Variants in MDGA1 observed in about 807,000 individuals in gnomAD.
The protein encoded by MDGA1 is MAM domain-containing glycosylphosphatidylinositol anchor protein 1.
In MDGA1, 54 loss-of-function variants were observed where a neutral mutation model predicts 101.5. The observed-to-expected ratio is 0.53, with a 90% CI of 0.43 to 0.67. MDGA1 has a LOEUF of 0.67. Ranked by LOEUF, MDGA1 falls within the 30% of genes least tolerant of loss-of-function variation. The pLI is 0.00. For synonymous variants in MDGA1, 533 were observed against 558.3 expected (o/e 0.95, Z 0.64); for missense variants, 1,083 against 1,323.8 (o/e 0.82, Z 2.82).
intron 14 of MDGA1, among the ~76,000 whole-genome samples, chr6:37,641,004 T>C (rs373309621): frequency 3.6e-4 from 55 of 152,266 alleles, no homozygotes; most frequent in African/African-American, 1.2e-3. Context: ...TGCCTCCACA[T>C]GCCGGGAAAC....
At chr6:37,641,200 G>T (rs804829) in intron 14 of MDGA1, among the ~76,000 whole-genome samples, 68,900 of 152,002 alleles carry the variant, frequency 0.45, 16,535 homozygotes, top group Non-Finnish European at 0.52. Context: ...GGTAACATTT[G>T]GTGGCTCTCT....
Position 37,637,916 on chromosome 6 carries a change from G to C in MDGA1, c.2776+289C>G, listed in dbSNP as rs939396232. On this transcript the variant is annotated intron_variant, in intron 16 of 16. Transcript: ENST00000434837. ...AGGCACACGTTCACCTCTGGAGCCA[G>C]AGGTACGCACAGATGTATTCAGACA... The C allele has an allele frequency of 1.9e-5, 10 of 536,364 alleles. No homozygotes were observed. In the Admixed American group the frequency reaches 3.2e-4, roughly 17 times the overall value. The allele number at this position is 536,364 out of a possible 1,614,324, so 33.2% of individuals were successfully genotyped here.
chr6:37,694,755 C>T (rs1333627149), intron 1 of MDGA1, among the ~76,000 whole-genome samples: 2 of 152,168 alleles, frequency 1.3e-5, no homozygotes, highest in Non-Finnish European at 2.9e-5. Context: ...CCAACACTGC[C>T]TGAAGCCAAG....
chr6:37,666,416 A>G (rs1438584736), intron 1 of MDGA1, among the ~76,000 whole-genome samples: 1 of 152,108 alleles, frequency 6.6e-6, no homozygotes, highest in African/African-American at 2.4e-5. Context: ...CTCTGAATTT[A>G]TAATTCTCAT....
At chr6:37,653,125 A>G (rs1161507451) in intron 6 of MDGA1, among the ~76,000 whole-genome samples, 5 of 152,234 alleles carry the variant, frequency 3.3e-5, no homozygotes, top group Non-Finnish European at 4.4e-5. Flanking sequence ...GGACACTGGC[A>G]CAACAGGCAC....
At chr6:37,689,223 C>G (rs571337198) in intron 1 of MDGA1, among the ~76,000 whole-genome samples, 1 of 152,322 alleles carries the variant, frequency 6.6e-6, no homozygotes, top group South Asian at 2.1e-4. Context: ...GGCCTCAGCC[C>G]AATCCCTTCT....
chr6:37,697,019 C>T lies in MDGA1; in HGVS notation c.-208G>A, dbSNP rs1334308026. Reference sequence around the variant, plus strand: ...GGCGGGGCCGCTGCCCGCGTGGGGACGCAGGGGGCGCTGGCCCAGCCCCGG... The same window carrying T: ...GGCGGGGCCGCTGCCCGCGTGGGGATGCAGGGGGCGCTGGCCCAGCCCCGG... On this transcript the variant is annotated 5_prime_UTR_variant, in exon 1 of 17. Transcript: ENST00000434837. 1.9e-6 allele frequency: 1 copy of T among 540,028 alleles called. No homozygotes were observed. The highest frequency in any genetic ancestry group is 3.3e-6 in the Non-Finnish European group (1 of 305,422). The allele number at this position is 540,028 out of a possible 1,614,324, so 33.5% of individuals were successfully genotyped here. A position where few individuals can be genotyped will look rare whatever the true frequency, so the allele number is the denominator to read the frequency against.
chr6:37,696,588 C>T lies in MDGA1; in HGVS notation c.67+157G>A, dbSNP rs900405406. On this transcript the variant is annotated intron_variant, in intron 1 of 16. Transcript: ENST00000434837. This position sits in a 1 kb window ranked among gnomAD's most constrained non-coding sequence, Gnocchi z 5.6. ...GGCCCCTGTGTTCCGAAGCAGCTAG[C>T]TCGGTCTCCACGCGCCCTGGAGAGG... Among the ~76,000 whole-genome samples, 6 of 152,200 alleles carry T rather than the reference C, an allele frequency of 3.9e-5. No homozygotes were observed. Among genetic ancestry groups the T allele is most frequent in the Non-Finnish European group, 8.8e-5 (6 of 68,028 alleles).
In MDGA1 at chr6:37,631,188, A is replaced by AT. The variant is rs1231704039; in HGVS notation, c.*6179dup. 6.6e-6 allele frequency: 1 copy of AT among 152,170 alleles called. No homozygotes were observed. Among genetic ancestry groups the AT allele is most frequent in the Non-Finnish European group, 1.5e-5 (1 of 68,044 alleles). 9.4% of individuals were successfully genotyped at this position (152,170 alleles called of 1,614,324 possible). On this transcript the variant is annotated 3_prime_UTR_variant, in exon 17 of 17. Coordinates refer to ENST00000434837, the MANE Select transcript of MDGA1 (RefSeq NM_153487.4). ...ATCCTAGAGCTACCTTGAATCCAAA[A>AT]TGCCCATCTGGTTCAGGAAAACCAT...
chr6:37,683,332 C>T (rs1762134134), intron 1 of MDGA1, among the ~76,000 whole-genome samples: 1 of 152,228 alleles, frequency 6.6e-6, no homozygotes. Context: ...GGAATGGAGG[C>T]TTGTACATGC....
At chr6:37,667,689 G>T (rs998744490) in intron 1 of MDGA1, among the ~76,000 whole-genome samples, 1 of 152,232 alleles carries the variant, frequency 6.6e-6, no homozygotes, top group Non-Finnish European at 1.5e-5. Flanking sequence ...GGAAGACATC[G>T]ATTTAACAGG....
chr6:37,637,466 C>G lies in MDGA1; in HGVS notation c.2777-7G>C. On this transcript the variant is annotated splice_polypyrimidine_tract_variant and splice_region_variant and intron_variant, in intron 16 of 16. Coordinates refer to ENST00000434837, the MANE Select transcript of MDGA1 (RefSeq NM_153487.4). ...CTGCCCGGCATCACCACCACTGCAA[C>G]AGGGGAGAAAGAGGAGACAGGCCAG... 2 of 1,611,726 alleles carry G rather than the reference C, an allele frequency of 1.2e-6. No individual in the cohort carries two copies. The highest frequency in any genetic ancestry group is 1.3e-5 in the African/African-American group (1 of 75,004).
At chr6:37,674,159 T>C (rs193040737) in intron 1 of MDGA1, among the ~76,000 whole-genome samples, 208 of 152,226 alleles carry the variant, frequency 1.4e-3, no homozygotes, top group Non-Finnish European at 2.5e-3. Context: ...CACAGGGCCT[T>C]TTCTGCTCAT....
At chr6:37,681,036 A>AC (rs1409872585) in intron 1 of MDGA1, among the ~76,000 whole-genome samples, 1 of 151,370 alleles carries the variant, frequency 6.6e-6, no homozygotes, top group Non-Finnish European at 1.5e-5. Flanking sequence ...CCAGCTGCCA[A>AC]CCCGGCTGGC....
rs868380718 is a variant in MDGA1 at position 37,632,329 on chromosome 6, T to C, written c.*5039A>G. 1 of 140,542 alleles carries C rather than the reference T, an allele frequency of 7.1e-6. No individual in the cohort carries two copies. The highest frequency in any genetic ancestry group is 1.5e-5 in the Non-Finnish European group (1 of 65,418). The allele number at this position is 140,542 out of a possible 1,614,324, so 8.7% of individuals were successfully genotyped here. A position where few individuals can be genotyped will look rare whatever the true frequency, so the allele number is the denominator to read the frequency against. On this transcript the variant is annotated 3_prime_UTR_variant, in exon 17 of 17. Transcript: ENST00000434837. ...GGTTGGTATTTGCTGAATGAACAAA[T>C]GCACACAAGTTCACTGGGAGCAGAC... is the stretch of plus-strand genomic sequence containing the variant.
intron 2 of MDGA1, among the ~76,000 whole-genome samples, chr6:37,662,984 G>A (rs139217985): frequency 2.6e-5 from 4 of 152,354 alleles, no homozygotes; most frequent in African/African-American, 9.6e-5. Flanking sequence ...TTAAGAAGGA[G>A]CAGCAGTGAT....
chr6:37,679,860 T>A (rs529936504), intron 1 of MDGA1, among the ~76,000 whole-genome samples: 2 of 152,246 alleles, frequency 1.3e-5, no homozygotes, highest in East Asian at 3.9e-4. Context: ...CTGCCCATCA[T>A]CACATGGTTA....
intron 1 of MDGA1, among the ~76,000 whole-genome samples, chr6:37,680,733 G>A (rs570978748): frequency 6.6e-6 from 1 of 152,344 alleles, no homozygotes; most frequent in East Asian, 1.9e-4. Context: ...ACTCCCCTCT[G>A]GGCCTCAGCA....
chr6:37,647,168 C>A lies in MDGA1; in HGVS notation c.2046+5G>T. ...CCCCCAGGCCCCCGCTCCCCCTTGG[C>A]CCACCTGGCGGATGCTGAGTCTGTA... On this transcript the variant is annotated splice_donor_5th_base_variant and intron_variant, in intron 10 of 16. Transcript: ENST00000434837. The A allele has an allele frequency of 6.3e-7, 1 of 1,590,488 alleles. No homozygotes were observed. The highest frequency in any genetic ancestry group is 8.6e-7 in the Non-Finnish European group (1 of 1,168,744).
Sources: gnomAD v4.1 joint callset for allele counts (sites outside exome capture counted in the v4.1 genomes callset) on GRCh38, gnomAD v4.1.1 for gene constraint, Gnocchi (gnomAD v3.1) non-coding constraint, MANE v1.5 for transcripts, NCBI Gene and HGNC (gene_info 2026-07-23, HGNC 2026-07-21) for gene names.